Variants in SCRG1 observed in about 807,000 individuals in gnomAD.
The protein encoded by SCRG1 is scrapie-responsive protein 1.
A neutral mutation model predicts 7.7 loss-of-function variants in SCRG1; 3 were observed. The observed-to-expected ratio is 0.39, with a 90% confidence interval of 0.18 to 1.01. The LOEUF is 1.01. Ranked by LOEUF, SCRG1 falls within the 50% of genes least tolerant of loss-of-function variation. SCRG1 has a pLI of 0.36. For missense variants in SCRG1, 110 were observed against 117.2 expected (o/e 0.94, Z 0.28); for synonymous variants, 46 against 41.2 (o/e 1.12, Z -0.44).
In SCRG1 at chr4:173,387,000, T is replaced by C. The variant is rs1038225016; in HGVS notation, c.*1341A>G. ...ATACCTCTTAAGTTATGGGGCATAA[T>C]CCAAAGCTGTCTCCTCTAACAATCA... is the stretch of plus-strand genomic sequence containing the variant. On this transcript the variant is annotated 3_prime_UTR_variant, in exon 3 of 3. Coordinates refer to ENST00000296506, the MANE Select transcript of SCRG1 (RefSeq NM_007281.4). The C allele has an allele frequency of 3.9e-5, 6 of 152,206 alleles. No individual in the cohort carries two copies. Among genetic ancestry groups the C allele is most frequent in the African/African-American group, 7.2e-5 (3 of 41,454 alleles). The allele number at this position is 152,206 out of a possible 1,614,324, so 9.4% of individuals were successfully genotyped here.
chr4:173,424,927 A>G, the SCRG1 span, among the ~76,000 whole-genome samples: 1 of 152,012 alleles, frequency 6.6e-6, no homozygotes, highest in African/African-American at 2.4e-5. Flanking sequence ...ATAAAATAAA[A>G]CAAAACAAAA....
At chr4:173,486,393 A>G in the SCRG1 span, among the ~76,000 whole-genome samples, 1 of 152,188 alleles carries the variant, frequency 6.6e-6, no homozygotes, top group Non-Finnish European at 1.5e-5. Flanking sequence ...ACATAATGCC[A>G]TCACAGCTGG....
the SCRG1 span, among the ~76,000 whole-genome samples, chr4:173,430,523 A>C: frequency 6.6e-6 from 1 of 152,092 alleles, no homozygotes; most frequent in Non-Finnish European, 1.5e-5. Flanking sequence ...GCATGCTGGC[A>C]TATGCCTGTA....
chr4:173,421,671 T>A, the SCRG1 span, among the ~76,000 whole-genome samples: 1 of 152,146 alleles, frequency 6.6e-6, no homozygotes. Flanking sequence ...CAACATGTCA[T>A]GAGATAAATG....
the SCRG1 span, among the ~76,000 whole-genome samples, chr4:173,511,491 T>G: frequency 6.6e-6 from 1 of 152,190 alleles, no homozygotes; most frequent in Admixed American, 6.5e-5. This position sits in a 1 kb window ranked among gnomAD's most constrained non-coding sequence, Gnocchi z 5.2. Context: ...TCTCTTTATT[T>G]ATGCCTTTAT....
At chr4:173,483,241 TG>T in the SCRG1 span, among the ~76,000 whole-genome samples, 2 of 79,738 alleles carry the variant, frequency 2.5e-5, no homozygotes, top group Non-Finnish European at 4.1e-5. Flanking sequence ...ATATAATATA[TG>T]ATATATCATA....
chr4:173,436,596 A>C, the SCRG1 span, among the ~76,000 whole-genome samples: 2 of 152,124 alleles, frequency 1.3e-5, no homozygotes, highest in African/African-American at 4.8e-5. Flanking sequence ...AAGCAAAACA[A>C]TCGTTCTCTA....
chr4:173,476,719 G>A, the SCRG1 span, among the ~76,000 whole-genome samples: 1 of 152,112 alleles, frequency 6.6e-6, no homozygotes, highest in African/African-American at 2.4e-5. Flanking sequence ...TACTCAGGAG[G>A]CTGAGATAGG....
chr4:173,420,717 A>C, the SCRG1 span, among the ~76,000 whole-genome samples: 1 of 152,152 alleles, frequency 6.6e-6, no homozygotes, highest in Admixed American at 6.5e-5. Flanking sequence ...AAAAAAAAAA[A>C]AGAAAAGCAA....
the SCRG1 span, among the ~76,000 whole-genome samples, chr4:173,462,633 T>A: frequency 6.6e-6 from 1 of 152,168 alleles, no homozygotes; most frequent in African/African-American, 2.4e-5. Context: ...CACTGACTGG[T>A]AATAGTAAAC....
At chr4:173,498,259 C>A in the SCRG1 span, among the ~76,000 whole-genome samples, 6 of 152,204 alleles carry the variant, frequency 3.9e-5, no homozygotes, top group African/African-American at 1.2e-4. Context: ...GAGCTCCACC[C>A]AAGTGAAATG....
chr4:173,465,610 T>C, the SCRG1 span, among the ~76,000 whole-genome samples: 7 of 151,826 alleles, frequency 4.6e-5, no homozygotes, highest in Non-Finnish European at 1.0e-4. Flanking sequence ...GGGATTTTTT[T>C]TATTGAGGTA....
chr4:173,484,451 A>G, the SCRG1 span, among the ~76,000 whole-genome samples: 1 of 22,852 alleles, frequency 4.4e-5, no homozygotes, highest in Non-Finnish European at 1.0e-4. Flanking sequence ...GATATATAAT[A>G]TATATTATAT....
the SCRG1 span, among the ~76,000 whole-genome samples, chr4:173,481,756 T>A: frequency 6.6e-6 from 1 of 152,208 alleles, no homozygotes; most frequent in Non-Finnish European, 1.5e-5. Context: ...TATTAAAATT[T>A]TCTTTTCTCT....
the SCRG1 span, among the ~76,000 whole-genome samples, chr4:173,444,655 C>T: frequency 6.6e-6 from 1 of 152,268 alleles, no homozygotes; most frequent in South Asian, 2.1e-4. Context: ...TGCATGTGAC[C>T]CAATCTTGGT....
At chr4:173,476,530 G>T in the SCRG1 span, among the ~76,000 whole-genome samples, 8 of 151,926 alleles carry the variant, frequency 5.3e-5, no homozygotes, top group South Asian at 1.7e-3. Context: ...TTGGTTCTGT[G>T]TGAGCCACCC....
the SCRG1 span, among the ~76,000 whole-genome samples, chr4:173,500,667 T>C: frequency 6.6e-6 from 1 of 152,132 alleles, no homozygotes; most frequent in Non-Finnish European, 1.5e-5. Flanking sequence ...GTATTTTTTG[T>C]AGAGATGGGG....
the SCRG1 span, among the ~76,000 whole-genome samples, chr4:173,414,276 A>G: frequency 2.0e-5 from 3 of 152,222 alleles, no homozygotes; most frequent in African/African-American, 7.2e-5. Context: ...TAACACAATC[A>G]GCCCAGAAAG....
At chr4:173,470,856 A>G in the SCRG1 span, among the ~76,000 whole-genome samples, 4 of 152,352 alleles carry the variant, frequency 2.6e-5, no homozygotes, top group East Asian at 7.7e-4. Flanking sequence ...ACATTTTAAA[A>G]ATTCCTCTGT....
Sources: allele counts gnomAD v4.1 joint callset (sites outside exome capture counted in the v4.1 genomes callset), GRCh38; gene constraint gnomAD v4.1.1; non-coding constraint Gnocchi (gnomAD v3.1); transcripts MANE v1.5; gene names NCBI Gene and HGNC (gene_info 2026-07-23, HGNC 2026-07-21).